Variants in GSDME observed in about 807,000 individuals in gnomAD.
GSDME encodes the protein gasdermin E, also known as gasdermin-E.
Under a neutral mutation model 47.5 loss-of-function variants are expected in GSDME, and 44 were observed. The observed-to-expected ratio is 0.93, with a 90% CI of 0.73 to 1.19. The LOEUF is 1.19. Among genes scored for constraint, GSDME ranks in the 50% most tolerant of loss-of-function variants. The pLI is 0.00. For synonymous variants in GSDME, 258 were observed against 252.8 expected, an observed-to-expected ratio of 1.02 and a Z score of -0.20; for missense variants, 663 against 604.2, an observed-to-expected ratio of 1.10 and a Z score of -1.02.
At chr7:24,776,438 C>T in the GSDME span, among the ~76,000 whole-genome samples, 1 of 152,092 alleles carries the variant, frequency 6.6e-6, no homozygotes, top group East Asian at 1.9e-4. Flanking sequence ...GTGTAATAAA[C>T]TCCCGTGTCC....
At chr7:24,795,347 G>C in the GSDME span, among the ~76,000 whole-genome samples, 2 of 152,168 alleles carry the variant, frequency 1.3e-5, no homozygotes, top group Non-Finnish European at 2.9e-5. Context: ...AGGGAACCAA[G>C]AAATGTAGCA....
At chr7:24,729,234 C>T (rs569297581) in intron 3 of GSDME, among the ~76,000 whole-genome samples, 4 of 152,248 alleles carry the variant, frequency 2.6e-5, no homozygotes, top group African/African-American at 4.8e-5. Flanking sequence ...GAACATGTGT[C>T]TGTTTCCAAG....
chr7:24,785,514 G>A, the GSDME span, among the ~76,000 whole-genome samples: 34,330 of 152,038 alleles, frequency 0.23, 4,394 homozygotes, highest in East Asian at 0.47. Context: ...GGAGTGCAGT[G>A]GCGCGATCTC....
At chr7:24,748,453 C>G (rs1366196674) in intron 2 of GSDME, among the ~76,000 whole-genome samples, 1 of 151,980 alleles carries the variant, frequency 6.6e-6, no homozygotes, top group African/African-American at 2.4e-5. Context: ...CCACCACGCC[C>G]GGCCTACAGT....
intron 3 of GSDME, among the ~76,000 whole-genome samples, chr7:24,740,937 C>T (rs1005685608): frequency 6.6e-6 from 1 of 152,078 alleles, no homozygotes; most frequent in South Asian, 2.1e-4. Context: ...GAAAGCACAA[C>T]GCAGCATGGT....
intron 7 of GSDME, chr7:24,707,895 G>T: frequency 1.7e-6 from 1 of 586,300 alleles, no homozygotes; most frequent in Non-Finnish European, 3.0e-6. Context: ...ATAAATTCCT[G>T]GTTTTTTAAG....
upstream of GSDME, among the ~76,000 whole-genome samples, chr7:24,762,469 C>T (rs534591210): frequency 3.9e-5 from 6 of 152,138 alleles, no homozygotes; most frequent in South Asian, 1.0e-3. Flanking sequence ...ATCTGATTAT[C>T]GTTATTTTTA....
At chr7:24,759,932 T>G (rs1242217218), upstream of GSDME, among the ~76,000 whole-genome samples, 1 of 152,182 alleles carries the variant, frequency 6.6e-6, no homozygotes. Flanking sequence ...AGATTTCAGA[T>G]GAACATATAC....
chr7:24,727,831 C>T (rs1790019251), intron 3 of GSDME, among the ~76,000 whole-genome samples: 2 of 152,258 alleles, frequency 1.3e-5, no homozygotes, highest in African/African-American at 4.8e-5. Flanking sequence ...AGGCTCCATT[C>T]ACCCTTTTCA....
At chr7:24,771,223 G>A in the GSDME span, among the ~76,000 whole-genome samples, 6 of 152,224 alleles carry the variant, frequency 3.9e-5, no homozygotes, top group African/African-American at 1.4e-4. This position sits in a 1 kb window ranked among gnomAD's most constrained non-coding sequence, Gnocchi z 4.1. Context: ...AGTTACATGG[G>A]GCAACTTTTG....
At position 24,721,800 on chromosome 7, in the gene GSDME, C is replaced by T. The variant is rs1269065350; in HGVS notation, c.405-2582G>A. 1.3e-5 allele frequency among the ~76,000 whole-genome samples: 2 copies of T among 152,174 alleles called. No homozygotes were observed. Among genetic ancestry groups the T allele is most frequent in the African/African-American group, 4.8e-5 (2 of 41,444 alleles). On this transcript the variant is annotated intron_variant, in intron 3 of 9. Transcript: ENST00000645220. The surrounding 1 kb of genome is among the most constrained non-coding windows in gnomAD (Gnocchi z 4.1). ...GCTATATCCCATGTCCAGTGCGTTC[C>T]CAGGCTGAGGCCCCATGTGATCTGC...
chr7:24,790,499 A>G, the GSDME span, among the ~76,000 whole-genome samples: 3 of 152,324 alleles, frequency 2.0e-5, no homozygotes, highest in Non-Finnish European at 2.9e-5. The surrounding 1 kb of genome is among the most constrained non-coding windows in gnomAD (Gnocchi z 4.1). Flanking sequence ...TAATAGTGCC[A>G]ATAACACAAC....
At chr7:24,793,772 T>C in the GSDME span, among the ~76,000 whole-genome samples, 46 of 151,924 alleles carry the variant, frequency 3.0e-4, no homozygotes, top group Non-Finnish European at 5.9e-4. Flanking sequence ...ACATAAATTC[T>C]ACCCCCCTTT....
the GSDME span, among the ~76,000 whole-genome samples, chr7:24,781,596 C>T: frequency 1.3e-5 from 2 of 152,014 alleles, no homozygotes; most frequent in Non-Finnish European, 2.9e-5. Context: ...TTTATGCTTT[C>T]GAAAACTATT....
At chr7:24,794,590 T>G in the GSDME span, among the ~76,000 whole-genome samples, 2 of 152,184 alleles carry the variant, frequency 1.3e-5, no homozygotes, top group Non-Finnish European at 2.9e-5. Context: ...ACTAGAGACC[T>G]GTCTAGGCTT....
At chr7:24,738,297 A>G (rs1168338988) in intron 3 of GSDME, among the ~76,000 whole-genome samples, 1 of 152,198 alleles carries the variant, frequency 6.6e-6, no homozygotes, top group East Asian at 1.9e-4. Flanking sequence ...TAAAATCAAC[A>G]TACAAAAATC....
At chr7:24,779,690 C>A in the GSDME span, among the ~76,000 whole-genome samples, 1 of 152,194 alleles carries the variant, frequency 6.6e-6, no homozygotes, top group South Asian at 2.1e-4. This position sits in a 1 kb window ranked among gnomAD's most constrained non-coding sequence, Gnocchi z 6.0. Flanking sequence ...TTCGGAGGCT[C>A]AGAGAGATTG....
the GSDME span, among the ~76,000 whole-genome samples, chr7:24,785,109 C>T: frequency 1.3e-5 from 2 of 152,160 alleles, no homozygotes; most frequent in Non-Finnish European, 2.9e-5. Context: ...TTGAGTCCCG[C>T]CTGATGCCTG....
At chr7:24,777,635 G>A in the GSDME span, among the ~76,000 whole-genome samples, 1 of 136,554 alleles carries the variant, frequency 7.3e-6, no homozygotes, top group Admixed American at 7.5e-5. Context: ...CTTAGCTCAA[G>A]TGTTCTTCCA....
Sources: gnomAD v4.1 joint callset for allele counts (sites outside exome capture counted in the v4.1 genomes callset) on GRCh38, gnomAD v4.1.1 for gene constraint, Gnocchi (gnomAD v3.1) non-coding constraint, MANE v1.5 for transcripts, NCBI Gene and HGNC (gene_info 2026-07-23, HGNC 2026-07-21) for gene names.